Variants in DHRS11 observed in about 807,000 individuals in gnomAD.
The protein encoded by DHRS11 is dehydrogenase/reductase 11.
DHRS11 carries 18 observed loss-of-function variants against 30.7 expected under a neutral mutation model. That is an observed-to-expected ratio of 0.59 (90% CI 0.41 to 0.87). DHRS11 has a LOEUF of 0.87. Among genes scored for constraint, DHRS11 ranks in the 40% least tolerant of loss-of-function variants. DHRS11 has a pLI of 0.00. For missense variants in DHRS11, 300 were observed against 349.0 expected (o/e 0.86, Z 1.12); for synonymous variants, 123 against 139.6 (o/e 0.88, Z 0.84).
intron 2 of DHRS11, among the ~76,000 whole-genome samples, chr17:36,595,522 C>T (rs549556850): frequency 7.2e-6 from 1 of 139,100 alleles, no homozygotes; most frequent in South Asian, 2.5e-4. Flanking sequence ...CAGGTTCAAA[C>T]GATTCTCCTG....
rs1450016235 is a variant in DHRS11, at chr17:36,592,905, T to C, written c.147+749T>C. Among the ~76,000 whole-genome samples the C allele has an allele frequency of 1.3e-5, 2 of 152,058 alleles. No homozygotes were observed. The highest frequency in any genetic ancestry group is 4.8e-5 in the African/African-American group (2 of 41,384). On this transcript the variant is annotated intron_variant, in intron 1 of 6. Transcript: ENST00000618403. This position sits in a 1 kb window ranked among gnomAD's most constrained non-coding sequence, Gnocchi z 4.4. ...GCTAGTGCTTAGCTGCAGGGCTTTA[T>C]CTCCACCGTGCTCAAAGTCCTCAGG...
chr17:36,598,819 C>T (rs1360040831), intron 3 of DHRS11, 102 bp from the exon 4 acceptor site: 4 of 1,469,208 alleles, frequency 2.7e-6, no homozygotes, highest in East Asian at 2.3e-5. Flanking sequence ...GAAGTCTTCC[C>T]GATGGGCATC....
chr17:36,600,172 T>C lies in DHRS11; in HGVS notation c.752T>C (p.Ile251Thr). The change falls in exon 7 of 7, where the codon ATC becomes ACC. Residue 251 changes from isoleucine to threonine, a missense_variant. By Grantham distance (89) the Ile-to-Thr change is moderately conservative (BLOSUM62 -1). Transcript: ENST00000618403. The part of the protein sequence containing the change: ...STPAHIQIGD[I>T]QMRPTEQVT ...TTGTACCTTCCACAGATTGGAGACA[T>C]CCAGATGAGGCCCACGGAGCAGGTG... The C allele has an allele frequency of 1.2e-6, 2 of 1,613,930 alleles. No individual in the cohort carries two copies. Among genetic ancestry groups the C allele is most frequent in the African/African-American group, 1.3e-5 (1 of 74,968 alleles).
chr17:36,599,974 T>G lies in DHRS11; in HGVS notation c.678T>G (p.Cys226Trp). Residue 226 changes from cysteine (C) to tryptophan (W), a missense_variant and splice_region_variant, in exon 6 of 7, where the codon TGT (cysteine) becomes TGG (tryptophan). By Grantham distance (215) the Cys-to-Trp change is radical. Transcript: ENST00000618403. Reference protein sequence around the residue: ...KAAATYEQMKCLKPEDVAEAV... With the variant: ...KAAATYEQMKWLKPEDVAEAV... ...ACCCATTCCCCTGGTGCTCTCAGTG[T>G]CTCAAACCCGAGGATGTGGCCGAGG... 6.2e-7 allele frequency: 1 copy of G among 1,613,646 alleles called. No homozygotes were observed. Among genetic ancestry groups the G allele is most frequent in the Non-Finnish European group, 8.5e-7 (1 of 1,179,848 alleles).
chr17:36,597,492 G>A (rs941597984), intron 2 of DHRS11: 1 of 155,766 alleles, frequency 6.4e-6, no homozygotes, highest in Non-Finnish European at 1.4e-5. Flanking sequence ...GGGATGTGGG[G>A]GTCACCTCTG....
chr17:36,599,843 T>C, intron 5 of DHRS11, 80 bp downstream of exon 5: 1 of 1,593,206 alleles, frequency 6.3e-7, no homozygotes, highest in Non-Finnish European at 8.6e-7. Context: ...CAGACTCCAC[T>C]CTTCCAGCCT....
chr17:36,598,386 T>A, intron 3 of DHRS11, 129 bp downstream of exon 3: 1 of 837,594 alleles, frequency 1.2e-6, no homozygotes. Flanking sequence ...ATGGCACAAT[T>A]ATGGTGAGGG....
At chr17:36,597,907 C>T (rs2142819919) in intron 2 of DHRS11, 2 of 574,506 alleles carry the variant, frequency 3.5e-6, no homozygotes, top group East Asian at 6.0e-5. Flanking sequence ...GAAGGGTTTC[C>T]ATTCTTGTTT....
chr17:36,595,804 T>C (rs547307538), intron 2 of DHRS11, among the ~76,000 whole-genome samples: 2 of 152,184 alleles, frequency 1.3e-5, no homozygotes, highest in Non-Finnish European at 2.9e-5. Flanking sequence ...GCCTGTTGAA[T>C]GTTTCCCACT....
intron 2 of DHRS11, 56 bp from the exon 3 acceptor site, chr17:36,598,107 T>C: frequency 6.4e-7 from 1 of 1,565,454 alleles, no homozygotes; most frequent in South Asian, 1.1e-5. Context: ...TGTGGCTCCA[T>C]CACTTGCTCA....
intron 2 of DHRS11, chr17:36,596,937 T>C (rs1447665155): frequency 4.3e-6 from 2 of 463,260 alleles, no homozygotes; most frequent in African/African-American, 4.0e-5. Flanking sequence ...CACATGGGTC[T>C]CTAAACCTGG....
chr17:36,600,233 A>G lies in DHRS11; in HGVS notation c.*30A>G, dbSNP rs913700975. Reference sequence around the variant, plus strand: ...TGTGGGAGCTCCTCCTTCCCTCCCCACCCTTCATGGCTTGCCTCCTGCCTC... The same window carrying G: ...TGTGGGAGCTCCTCCTTCCCTCCCCGCCCTTCATGGCTTGCCTCCTGCCTC... On this transcript the variant is annotated 3_prime_UTR_variant, in exon 7 of 7. Transcript: ENST00000618403. The G allele has an allele frequency of 2.5e-6, 4 of 1,613,082 alleles. No homozygotes were observed. In the Admixed American group the frequency reaches 5.0e-5, roughly 20 times the overall value.
intron 2 of DHRS11, chr17:36,597,081 A>C: frequency 3.3e-6 from 1 of 299,218 alleles, no homozygotes; most frequent in Non-Finnish European, 6.7e-6. Context: ...GATACCCTAG[A>C]CCTGGGAGAT....
intron 1 of DHRS11, 70 bp from the exon 2 acceptor site, chr17:36,594,901 G>T: frequency 5.1e-6 from 8 of 1,554,620 alleles, no homozygotes; most frequent in Non-Finnish European, 7.1e-6. Context: ...GGGGGTCGGG[G>T]TCTGAGGCTG....
At position 36,600,658 on chromosome 17, in the gene DHRS11, C is replaced by T. The variant is rs2074853047; in HGVS notation, c.*455C>T. 2 of 216,436 alleles carry T rather than the reference C, an allele frequency of 9.2e-6. No individual in the cohort carries two copies. Among genetic ancestry groups the T allele is most frequent in the African/African-American group, 4.6e-5 (2 of 43,030 alleles). The allele number at this position is 216,436 out of a possible 1,614,324, so 13.4% of individuals were successfully genotyped here. ...ACTGCACCCTCTCCCCCTTATCTAT[C>T]TCCTTCTCGGCTCCCCAGCCCAGTC... On this transcript the variant is annotated 3_prime_UTR_variant, in exon 7 of 7. Transcript: ENST00000618403.
chr17:36,599,619 C>A, intron 4 of DHRS11, 52 bp from the exon 5 acceptor site: 1 of 1,601,148 alleles, frequency 6.2e-7, no homozygotes, highest in Non-Finnish European at 8.6e-7. Flanking sequence ...CCTCGACCTC[C>A]CCAAGACCTG....
chr17:36,598,785 G>T, intron 3 of DHRS11, 136 bp from the exon 4 acceptor site: 1 of 1,147,314 alleles, frequency 8.7e-7, no homozygotes. Flanking sequence ...TGAGCTGTAG[G>T]ATGGCCAGTA....
At chr17:36,595,302 C>A in intron 2 of DHRS11, 122 bp downstream of exon 2, 1 of 1,007,792 alleles carries the variant, frequency 9.9e-7, no homozygotes, top group Non-Finnish European at 1.5e-6. Flanking sequence ...TTCGGGTTCC[C>A]ACCTGGGGCA....
rs896372515 is a variant in DHRS11 at position 36,598,847 on chromosome 17, C to T, written c.453-74C>T. 46 of 1,539,030 alleles carry T rather than the reference C, an allele frequency of 3.0e-5. No homozygotes were observed. In the Middle Eastern group the frequency reaches 1.0e-3, roughly 35 times the overall value. On this transcript the variant is annotated intron_variant, in intron 3 of 6. Coordinates refer to ENST00000618403, the MANE Select transcript of DHRS11 (RefSeq NM_024308.4). Reference sequence around the variant, plus strand: ...TGGGCATCTGGGTGGTGGGGCTGACCGGGTACGGCAGGAGCACCACTGGTC... The same window carrying T: ...TGGGCATCTGGGTGGTGGGGCTGACTGGGTACGGCAGGAGCACCACTGGTC...
Sources: gnomAD v4.1 joint callset for allele counts (sites outside exome capture counted in the v4.1 genomes callset) on GRCh38, gnomAD v4.1.1 for gene constraint, Gnocchi (gnomAD v3.1) non-coding constraint, MANE v1.5 for transcripts, NCBI Gene and HGNC (gene_info 2026-07-23, HGNC 2026-07-21) for gene names.